GLYCTK: variants seen among roughly 807,000 people sequenced by gnomAD.
GLYCTK encodes the protein HBeAg binding protein 4.
A neutral mutation model predicts 24.8 loss-of-function variants in GLYCTK; 22 were observed. That is an observed-to-expected ratio of 0.89 (90% confidence interval 0.63 to 1.27). The LOEUF is 1.27. Among genes scored for constraint, GLYCTK ranks in the 50% most tolerant of loss-of-function variants. The pLI is 0.00. For synonymous variants in GLYCTK, 320 were observed against 297.2 expected (o/e 1.08, Z -0.79); for missense variants, 684 against 686.7 (o/e 1.00, Z 0.04).
chr3:52,290,391 C>T lies in GLYCTK; in HGVS notation c.49C>T (p.His17Tyr). ...VLPRLARAPL[H>Y]PLLWRGSVAR... ...GCCCCGCTTGGCCCGAGCCCCCTTG[C>T]ATCCACTCCTCTGGCGGGGCTCAGT... Residue 17 changes from histidine (H) to tyrosine (Y), a missense_variant, in exon 2 of 5, where the codon CAT becomes TAT. Coordinates refer to ENST00000436784, the MANE Select transcript of GLYCTK (RefSeq NM_145262.4). The T allele has an allele frequency of 6.2e-7, 1 of 1,606,630 alleles. No homozygotes were observed. The highest frequency in any genetic ancestry group is 8.5e-7 in the Non-Finnish European group (1 of 1,179,868).
chr3:52,290,007 G>A, intron 1 of GLYCTK: 1 of 403,112 alleles, frequency 2.5e-6, no homozygotes, highest in Non-Finnish European at 4.5e-6. Flanking sequence ...CCCAGCCAAA[G>A]GGGTGACCTG....
chr3:52,293,230 C>T lies in GLYCTK; in HGVS notation c.*104C>T. 1 of 1,185,300 alleles carries T rather than the reference C, an allele frequency of 8.4e-7. No homozygotes were observed. Among genetic ancestry groups the T allele is most frequent in the East Asian group, 2.4e-5 (1 of 41,494 alleles). The allele number at this position is 1,185,300 out of a possible 1,614,324, so 73.4% of individuals were successfully genotyped here. On this transcript the variant is annotated 3_prime_UTR_variant, in exon 5 of 5. Transcript: ENST00000436784. ...GGCCTCTCTAAGCCTTAGGGCCCCTCCTCTCCTTGGCCTTGGCTGTTTGGT... is the reference window on the plus strand; with the variant it reads ...GGCCTCTCTAAGCCTTAGGGCCCCTTCTCTCCTTGGCCTTGGCTGTTTGGT...
At position 52,292,795 on chromosome 3, in the gene GLYCTK, T is replaced by C; in HGVS notation, c.1241T>C (p.Leu414Pro). 1.2e-6 allele frequency: 2 copies of C among 1,611,212 alleles called. No homozygotes were observed. Among genetic ancestry groups the C allele is most frequent in the South Asian group, 2.2e-5 (2 of 90,786 alleles). The change falls in exon 5 of 5, where the codon CTG becomes CCG. Residue 414 changes from leucine (L) to proline (P), a missense_variant. Transcript: ENST00000436784. ...LLAGGEPTVQLQGSGRGGRNQ... is the reference protein window; with the variant it reads ...LLAGGEPTVQPQGSGRGGRNQ... The stretch of plus-strand genomic sequence containing the variant: ...GCTGGTGGCGAGCCCACAGTACAGC[T>C]GCAGGGCTCGGGCAGGGGTGGCCGG...
chr3:52,292,935 G>C lies in GLYCTK; in HGVS notation c.1381G>C (p.Ala461Pro). 6.2e-7 allele frequency: 1 copy of C among 1,614,086 alleles called. No individual in the cohort carries two copies. Among genetic ancestry groups the C allele is most frequent in the South Asian group, 1.1e-5 (1 of 91,080 alleles). The change falls in exon 5 of 5, where the codon GCT becomes CCT. Residue 461 changes from alanine to proline, a missense_variant. Physicochemically the swap from Ala to Pro is conservative, Grantham distance 27. Coordinates refer to ENST00000436784, the MANE Select transcript of GLYCTK (RefSeq NM_145262.4). ...TGGGCAGGATGGGCCCACAGAGGCTGCTGGGGCCTGGGTCACACCTGAGCT... is the reference window on the plus strand; with the variant it reads ...TGGGCAGGATGGGCCCACAGAGGCTCCTGGGGCCTGGGTCACACCTGAGCT... ...TDGQDGPTEA[A>P]GAWVTPELAS...
In GLYCTK at chr3:52,290,414, A is replaced by G. The variant is rs1700424664; in HGVS notation, c.72A>G (p.Ser24=). The G allele has an allele frequency of 6.2e-7, 1 of 1,610,264 alleles. No homozygotes were observed. The highest frequency in any genetic ancestry group is 1.1e-5 in the South Asian group (1 of 91,064). Residue 24 remains serine (S), a synonymous_variant, in exon 2 of 5, where the codon TCA becomes TCG. Transcript: ENST00000436784. ...TGCATCCACTCCTCTGGCGGGGCTC[A>G]GTGGCCCGTCTGGCCAGCAGCATGG... is the stretch of plus-strand genomic sequence containing the variant. The part of the protein sequence containing the change: ...APLHPLLWRG[S]VARLASSMAL...
chr3:52,291,621 C>A, intron 3 of GLYCTK, 126 bp from the exon 4 acceptor site: 2 of 865,896 alleles, frequency 2.3e-6, no homozygotes, highest in Non-Finnish European at 1.8e-6. Flanking sequence ...TATTGCATAT[C>A]CACAGGGGGG....
rs199870798 is a variant in GLYCTK at position 52,290,495 on chromosome 3, G to C, written c.153G>C (p.Pro51=). ...AGAGTGCTGTAGGTGCAGTGCTGCC[G>C]GGCCCCATGCTGCACCGGGCACTAT... ...LFESAVGAVL[P]GPMLHRALSL... is the part of the protein sequence containing the mutation. The change falls in exon 2 of 5, where the codon CCG becomes CCC. Residue 51 remains proline (P), a synonymous_variant. Coordinates refer to ENST00000436784, the MANE Select transcript of GLYCTK (RefSeq NM_145262.4). The C allele has an allele frequency of 6.2e-7, 1 of 1,613,358 alleles. No individual in the cohort carries two copies. Among genetic ancestry groups the C allele is most frequent in the South Asian group, 1.1e-5 (1 of 91,080 alleles).
At position 52,291,030 on chromosome 3, in the gene GLYCTK, G is replaced by C; in HGVS notation, c.448G>C (p.Asp150His). ...TGCGGAGGACAACCTCCCGGACCGC[G>C]ATGCGCTGCGGGCTGCACTGGCCAT... The part of the protein sequence containing the change: ...EGAEDNLPDR[D>H]ALRAALAIQQ... Residue 150 changes from aspartate (D) to histidine (H), a missense_variant, in exon 3 of 5, where the codon GAT (aspartate) becomes CAT (histidine). Asp to His is a moderately conservative substitution (Grantham distance 81). Transcript: ENST00000436784. 6.2e-7 allele frequency: 1 copy of C among 1,613,824 alleles called. No individual in the cohort carries two copies. Among genetic ancestry groups the C allele is most frequent in the Non-Finnish European group, 8.5e-7 (1 of 1,179,992 alleles).
chr3:52,295,033 C>T lies in GLYCTK; in HGVS notation c.*1907C>T. 1 of 454,018 alleles carries T rather than the reference C, an allele frequency of 2.2e-6. No individual in the cohort carries two copies. The highest frequency in any genetic ancestry group is 4.4e-6 in the Non-Finnish European group (1 of 226,756). 28.1% of individuals were successfully genotyped at this position (454,018 alleles called of 1,614,324 possible). A position where few individuals can be genotyped will look rare whatever the true frequency, so the allele number is the denominator to read the frequency against. On this transcript the variant is annotated 3_prime_UTR_variant, in exon 5 of 5. Coordinates refer to ENST00000436784, the MANE Select transcript of GLYCTK (RefSeq NM_145262.4). The stretch of plus-strand genomic sequence containing the variant: ...CCCCTGCTCTACATTGACCCCTTCC[C>T]TATACTTCTGTTTGTAGGGGCTGGG...
At position 52,290,290 on chromosome 3, in the gene GLYCTK, C is replaced by T; in HGVS notation, c.-39-14C>T. 1.3e-6 allele frequency: 2 copies of T among 1,576,992 alleles called. No homozygotes were observed. Among genetic ancestry groups the T allele is most frequent in the South Asian group, 1.1e-5 (1 of 89,246 alleles). ...TTGCCTTGCAAGGGCCTCAGTTGTG[C>T]TTTTTCCCTCTAGGCAGCCATGGGT... On this transcript the variant is annotated splice_polypyrimidine_tract_variant and intron_variant, in intron 1 of 4. Coordinates refer to ENST00000436784, the MANE Select transcript of GLYCTK (RefSeq NM_145262.4).
In GLYCTK at chr3:52,291,125, T is replaced by C; in HGVS notation, c.529+14T>C. On this transcript the variant is annotated intron_variant, in intron 3 of 4. Transcript: ENST00000436784. ...TGCTGATCTCAGGTGTGGTACCACATTGGCCCAAGACTGTTGGTGGGGGGT... is the reference window on the plus strand; with the variant it reads ...TGCTGATCTCAGGTGTGGTACCACACTGGCCCAAGACTGTTGGTGGGGGGT... The C allele has an allele frequency of 6.2e-7, 1 of 1,607,646 alleles. No individual in the cohort carries two copies. Among genetic ancestry groups the C allele is most frequent in the African/African-American group, 1.3e-5 (1 of 75,002 alleles).
At chr3:52,292,217 A>T in intron 4 of GLYCTK, 43 bp from the exon 5 acceptor site, 1 of 1,611,988 alleles carries the variant, frequency 6.2e-7, no homozygotes, top group Non-Finnish European at 8.5e-7. Flanking sequence ...CTCTGAGGGG[A>T]GGAGGAAGTG....
At position 52,293,711 on chromosome 3, in the gene GLYCTK, G is replaced by A; in HGVS notation, c.*585G>A. The A allele has an allele frequency of 2.2e-6, 1 of 454,144 alleles. No homozygotes were observed. Among genetic ancestry groups the A allele is most frequent in the Non-Finnish European group, 4.4e-6 (1 of 226,798 alleles). The allele number at this position is 454,144 out of a possible 1,614,324, so 28.1% of individuals were successfully genotyped here. A position where few individuals can be genotyped will look rare whatever the true frequency, so the allele number is the denominator to read the frequency against. ...GATGTGCGTGAGCAGAGACCCCAGG[G>A]AGGACAGGCCTAAAGACTGCAGTCT... On this transcript the variant is annotated 3_prime_UTR_variant, in exon 5 of 5. Transcript: ENST00000436784.
At position 52,294,528 on chromosome 3, in the gene GLYCTK, G is replaced by A. The variant is rs1198376944; in HGVS notation, c.*1402G>A. 3 of 382,398 alleles carry A rather than the reference G, an allele frequency of 7.8e-6. No individual in the cohort carries two copies. Among genetic ancestry groups the A allele is most frequent in the South Asian group, 5.8e-5 (3 of 51,940 alleles). The allele number at this position is 382,398 out of a possible 1,614,324, so 23.7% of individuals were successfully genotyped here. A position where few individuals can be genotyped will look rare whatever the true frequency, so the allele number is the denominator to read the frequency against. On this transcript the variant is annotated 3_prime_UTR_variant, in exon 5 of 5. Coordinates refer to ENST00000436784, the MANE Select transcript of GLYCTK (RefSeq NM_145262.4). ...GGAGGGAGGTAAACGTGGTAAGCGG[G>A]CTCTGGGGACCAGGGAGGTTTAGGA...
rs1260565668 is a variant in GLYCTK, at chr3:52,294,298, C to T, written c.*1172C>T. ...CATAGGAATAAAAAGCCATAGAGAACAGCGAGGCCTGGGGCTGCTCTTGCA... is the reference window on the plus strand; with the variant it reads ...CATAGGAATAAAAAGCCATAGAGAATAGCGAGGCCTGGGGCTGCTCTTGCA... On this transcript the variant is annotated 3_prime_UTR_variant, in exon 5 of 5. Coordinates refer to ENST00000436784, the MANE Select transcript of GLYCTK (RefSeq NM_145262.4). 5.6e-6 allele frequency: 3 copies of T among 534,634 alleles called. No individual in the cohort carries two copies. The highest frequency in any genetic ancestry group is 1.2e-5 in the Non-Finnish European group (3 of 260,102). The allele number at this position is 534,634 out of a possible 1,614,324, so 33.1% of individuals were successfully genotyped here. A position where few individuals can be genotyped will look rare whatever the true frequency, so the allele number is the denominator to read the frequency against.
At position 52,291,034 on chromosome 3, in the gene GLYCTK, C is replaced by T. The variant is rs770604201; in HGVS notation, c.452C>T (p.Ala151Val). ...GAGGACAACCTCCCGGACCGCGATG[C>T]GCTGCGGGCTGCACTGGCCATCCAG... ...GAEDNLPDRDALRAALAIQQL... is the reference protein window; with the variant it reads ...GAEDNLPDRDVLRAALAIQQL... Residue 151 changes from alanine to valine, a missense_variant, in exon 3 of 5, where the codon GCG becomes GTG. Physicochemically the swap from Ala to Val is moderately conservative, Grantham distance 64 (BLOSUM62 0). Coordinates refer to ENST00000436784, the MANE Select transcript of GLYCTK (RefSeq NM_145262.4). The T allele has an allele frequency of 1.1e-5, 18 of 1,613,672 alleles. No individual in the cohort carries two copies. Among genetic ancestry groups the T allele is most frequent in the Middle Eastern group, 1.6e-4 (1 of 6,084 alleles).
rs1359219335 is a variant in GLYCTK at position 52,293,242 on chromosome 3, C to G, written c.*116C>G. On this transcript the variant is annotated 3_prime_UTR_variant, in exon 5 of 5. Coordinates refer to ENST00000436784, the MANE Select transcript of GLYCTK (RefSeq NM_145262.4). ...CCTTAGGGCCCCTCCTCTCCTTGGC[C>G]TTGGCTGTTTGGTTAACTGTCACCT... is the stretch of plus-strand genomic sequence containing the variant. 3 of 1,082,748 alleles carry G rather than the reference C, an allele frequency of 2.8e-6. No individual in the cohort carries two copies. Among genetic ancestry groups the G allele is most frequent in the Non-Finnish European group, 4.1e-6 (3 of 726,404 alleles). 67.1% of individuals were successfully genotyped at this position (1,082,748 alleles called of 1,614,324 possible).
chr3:52,292,216 G>A, intron 4 of GLYCTK, 44 bp from the exon 5 acceptor site: 1 of 1,612,240 alleles, frequency 6.2e-7, no homozygotes, highest in Non-Finnish European at 8.5e-7. Flanking sequence ...GCTCTGAGGG[G>A]AGGAGGAAGT....
At chr3:52,288,120 A>G (rs919844468) in intron 1 of GLYCTK, 4 of 179,578 alleles carry the variant, frequency 2.2e-5, no homozygotes, top group African/African-American at 9.6e-5. Flanking sequence ...TAGTCTTCCT[A>G]TTTCCGTTGT....
Sources: allele counts gnomAD v4.1 joint callset, GRCh38; gene constraint gnomAD v4.1.1; transcripts MANE v1.5; gene names NCBI Gene and HGNC (gene_info 2026-07-23, HGNC 2026-07-21).